CSMD1: variants seen among roughly 807,000 people sequenced by gnomAD.
The protein encoded by CSMD1 is CUB and sushi domain-containing protein 1.
CSMD1 carries 213 observed loss-of-function variants against 417.5 expected under a neutral mutation model. That is an observed-to-expected ratio of 0.51 (90% CI 0.46 to 0.57). The LOEUF (loss-of-function observed/expected upper bound fraction) is 0.57, where lower values mean the gene tolerates loss of function less well. Ranked by LOEUF, CSMD1 falls within the 20% of genes least tolerant of loss-of-function variation. The pLI is 0.00. For synonymous variants in CSMD1, 2,862 were observed against 1,736.8 expected (o/e 1.65, Z -16.11); for missense variants, 6,923 against 4,529.7 (o/e 1.53, Z -15.17).
intron 11 of CSMD1, 47 bp downstream of exon 11, chr8:3,493,576 C>T (rs377003453): frequency 1.8e-4 from 261 of 1,491,278 alleles, no homozygotes; most frequent in Admixed American, 4.6e-4. Flanking sequence ...CCCACCGTGC[C>T]CCGCACTGCA....
intron 10 of CSMD1, among the ~76,000 whole-genome samples, chr8:3,502,765 G>C (rs907395964): frequency 6.6e-6 from 1 of 152,174 alleles, no homozygotes; most frequent in Admixed American, 6.5e-5. Context: ...AACTCTCTGT[G>C]TGATGTTATA....
At chr8:3,284,393 T>C (rs1442448756) in intron 25 of CSMD1, 47 bp from the exon 26 acceptor site, 2 of 1,435,512 alleles carry the variant, frequency 1.4e-6, no homozygotes, top group Non-Finnish European at 2.0e-6. Flanking sequence ...ATCGAGCATG[T>C]CCTGACCCCA....
chr8:4,755,732 G>C (rs1436953457), intron 1 of CSMD1, among the ~76,000 whole-genome samples: 1 of 152,180 alleles, frequency 6.6e-6, no homozygotes, highest in Non-Finnish European at 1.5e-5. Flanking sequence ...TTTTCTGTAT[G>C]TAGAGTTACA....
intron 1 of CSMD1, among the ~76,000 whole-genome samples, chr8:4,871,694 C>G (rs1563640052): frequency 6.6e-6 from 1 of 152,070 alleles, no homozygotes; most frequent in Non-Finnish European, 1.5e-5. Context: ...ATGAATCTAG[C>G]AAAAATCCCA....
intron 29 of CSMD1, among the ~76,000 whole-genome samples, chr8:3,217,758 G>C (rs1238910578): frequency 6.6e-6 from 1 of 152,092 alleles, no homozygotes. Context: ...TAAGTGTGCA[G>C]ATTCTGATGT....
chr8:3,548,415 C>A (rs1354304222), intron 10 of CSMD1, among the ~76,000 whole-genome samples: 1 of 151,958 alleles, frequency 6.6e-6, no homozygotes, highest in East Asian at 1.9e-4. Flanking sequence ...ATACACTGCA[C>A]CCAGTTTGTA....
intron 2 of CSMD1, among the ~76,000 whole-genome samples, chr8:4,441,009 T>C (rs1366474880): frequency 6.8e-6 from 1 of 146,516 alleles, no homozygotes; most frequent in Non-Finnish European, 1.5e-5. Context: ...AAAAAAAAAA[T>C]TAAAAATATT....
At chr8:4,073,090 A>G (rs1193643464) in intron 3 of CSMD1, among the ~76,000 whole-genome samples, 6 of 152,162 alleles carry the variant, frequency 3.9e-5, no homozygotes, top group Non-Finnish European at 7.4e-5. Context: ...ATGATCCACT[A>G]TGTCTTATTT....
intron 26 of CSMD1, among the ~76,000 whole-genome samples, chr8:3,252,648 CCTT>C (rs1161913759): frequency 1.3e-5 from 2 of 152,190 alleles, no homozygotes; most frequent in African/African-American, 4.8e-5. Context: ...AGCAGTTCCT[CCTT>C]ATACCTCTGG....
At chr8:4,463,105 A>C (rs939807183) in intron 2 of CSMD1, among the ~76,000 whole-genome samples, 1 of 152,232 alleles carries the variant, frequency 6.6e-6, no homozygotes, top group Non-Finnish European at 1.5e-5. Flanking sequence ...ATAAAAAGAC[A>C]AATTACCAAG....
At chr8:4,238,947 C>T (rs946891181) in intron 3 of CSMD1, among the ~76,000 whole-genome samples, 1 of 152,184 alleles carries the variant, frequency 6.6e-6, no homozygotes, top group Non-Finnish European at 1.5e-5. Context: ...CTACCCTGTT[C>T]TTCTGTAGAG....
intron 2 of CSMD1, among the ~76,000 whole-genome samples, chr8:4,514,101 C>G (rs1252375259): frequency 6.6e-6 from 1 of 152,004 alleles, no homozygotes; most frequent in Non-Finnish European, 1.5e-5. Context: ...TTTTACAGTT[C>G]TAGAGGCTGA....
intron 6 of CSMD1, among the ~76,000 whole-genome samples, chr8:3,734,537 C>T (rs542150662): frequency 2.0e-5 from 3 of 152,250 alleles, no homozygotes; most frequent in African/African-American, 7.2e-5. Context: ...TTGGTGAAAC[C>T]CTGTCTCTAC....
At position 4,778,062 on chromosome 8, in the gene CSMD1, C is replaced by T. The variant is rs144602252; in HGVS notation, c.86-140504G>A. Among the ~76,000 whole-genome samples the T allele has an allele frequency of 6.8e-3, 1,042 of 152,242 alleles. 8 individuals carry two copies. Among genetic ancestry groups the T allele is most frequent in the Admixed American group, 0.013 (200 of 15,282 alleles). ...GAGTTAAAATTCAGACACATAAACA[C>T]ACACAGGCATACTGGTGCAATATTT... On this transcript the variant is annotated intron_variant, in intron 1 of 69. Coordinates refer to ENST00000635120, the MANE Select transcript of CSMD1 (RefSeq NM_033225.6).
chr8:4,843,434 TACA>T (rs34061646), intron 1 of CSMD1, among the ~76,000 whole-genome samples: 60 of 151,446 alleles, frequency 4.0e-4, no homozygotes, highest in Non-Finnish European at 6.0e-4. Context: ...TTGGAGAGAT[TACA>T]ACAACAACAA....
chr8:4,477,379 C>T (rs2130100084), intron 2 of CSMD1, among the ~76,000 whole-genome samples: 1 of 152,278 alleles, frequency 6.6e-6, no homozygotes, highest in South Asian at 2.1e-4. Flanking sequence ...AAGCCATCGG[C>T]AACGCCTCGA....
chr8:4,205,729 C>T (rs1799941251), intron 3 of CSMD1, among the ~76,000 whole-genome samples: 1 of 126,528 alleles, frequency 7.9e-6, no homozygotes, highest in Non-Finnish European at 1.7e-5. Context: ...TTTCAGCTCA[C>T]TTCCTAGGCC....
At chr8:4,345,615 A>G (rs920397764) in intron 3 of CSMD1, among the ~76,000 whole-genome samples, 5 of 152,112 alleles carry the variant, frequency 3.3e-5, no homozygotes, top group African/African-American at 9.7e-5. Context: ...ACAAAAACAA[A>G]AAGTACCAAA....
intron 5 of CSMD1, among the ~76,000 whole-genome samples, chr8:3,983,456 A>G (rs776461093): frequency 8.5e-5 from 13 of 152,108 alleles, no homozygotes; most frequent in South Asian, 2.1e-4. Flanking sequence ...AAAATTACCT[A>G]TAAGTCACCA....
Sources: allele counts gnomAD v4.1 joint callset (sites outside exome capture counted in the v4.1 genomes callset), GRCh38; gene constraint gnomAD v4.1.1; transcripts MANE v1.5; gene names NCBI Gene and HGNC (gene_info 2026-07-23, HGNC 2026-07-21).